The following SYN2 variants were observed in gnomAD, a reference collection of about 807,000 sequenced individuals.
SYN2 encodes the protein synapsin II.
A neutral mutation model predicts 50.9 loss-of-function variants in SYN2; 19 were observed. That is an observed-to-expected ratio of 0.37 (90% confidence interval 0.26 to 0.55). The LOEUF (loss-of-function observed/expected upper bound fraction) is 0.55. Ranked by LOEUF, SYN2 falls within the 20% of genes least tolerant of loss-of-function variation. The pLI is 0.81. For synonymous variants in SYN2, 255 were observed against 224.9 expected (o/e 1.13, Z -1.20); for missense variants, 587 against 576.4 (o/e 1.02, Z -0.19).
chr3:12,111,417 TG>T (rs1420501705), intron 1 of SYN2, among the ~76,000 whole-genome samples: 1 of 152,212 alleles, frequency 6.6e-6, no homozygotes, highest in African/African-American at 2.4e-5. Flanking sequence ...AATGGGGTTG[TG>T]GTCTGTATAT....
chr3:12,067,557 T>C (rs1279453376), intron 1 of SYN2, among the ~76,000 whole-genome samples: 1 of 151,720 alleles, frequency 6.6e-6, no homozygotes. Flanking sequence ...AGTTTCTCCT[T>C]CTCTGTTAAA....
At chr3:12,153,678 G>A (rs755266079) in intron 5 of SYN2, 24 of 1,614,082 alleles carry the variant, frequency 1.5e-5, no homozygotes, top group African/African-American at 2.7e-5. Flanking sequence ...GTTAGGGGCC[G>A]AGATGGTACA....
At chr3:12,158,797 A>G (rs766569527) in intron 5 of SYN2, 2 of 1,603,122 alleles carry the variant, frequency 1.2e-6, no homozygotes, top group South Asian at 2.2e-5. Context: ...CAGCAGCCGC[A>G]GCAACAGCAC....
At chr3:12,019,140 T>C (rs533677910) in intron 1 of SYN2, among the ~76,000 whole-genome samples, 1 of 152,340 alleles carries the variant, frequency 6.6e-6, no homozygotes, top group South Asian at 2.1e-4. Context: ...TGAAGTCTTA[T>C]TTGCCAGTGC....
intron 1 of SYN2, among the ~76,000 whole-genome samples, chr3:12,039,836 C>T (rs1450306545): frequency 6.6e-6 from 1 of 152,052 alleles, no homozygotes; most frequent in East Asian, 1.9e-4. Context: ...TTTCTGAGAT[C>T]AGATAAGATC....
intron 1 of SYN2, among the ~76,000 whole-genome samples, chr3:12,122,672 T>A (rs1250925808): frequency 1.3e-5 from 2 of 152,134 alleles, no homozygotes; most frequent in Non-Finnish European, 2.9e-5. Flanking sequence ...TACAGGCCTG[T>A]CTTCACTTGG....
In SYN2 at chr3:12,097,423, G is replaced by A. The variant is rs148863761; in HGVS notation, c.378-43228G>A. Among the ~76,000 whole-genome samples, 965 of 151,998 alleles carry A rather than the reference G, an allele frequency of 6.3e-3. 4 individuals are homozygous for A. The highest frequency in any genetic ancestry group is 9.8e-3 in the Non-Finnish European group (663 of 67,976). On this transcript the variant is annotated intron_variant, in intron 1 of 12. Transcript: ENST00000621198. Reference sequence around the variant, plus strand: ...AGATCAAGACCATCCTGGCTAACACGGTGAAACCCCTTCTCTACTAAAAAT... The same window carrying A: ...AGATCAAGACCATCCTGGCTAACACAGTGAAACCCCTTCTCTACTAAAAAT...
chr3:12,152,148 G>T (rs890825172), intron 5 of SYN2, among the ~76,000 whole-genome samples: 1 of 152,054 alleles, frequency 6.6e-6, no homozygotes, highest in Admixed American at 6.6e-5. Context: ...GGCCAAAAGG[G>T]GTCTCCATTT....
rs1696015923 is a variant in SYN2 at position 12,099,317 on chromosome 3, G to A, written c.378-41334G>A. ...GATGGATCATATGTTGGTCCATAAA[G>A]CAAATCTCAATAGATTTTAAAGGAT... On this transcript the variant is annotated intron_variant, in intron 1 of 12. Transcript: ENST00000621198. 3.3e-5 allele frequency among the ~76,000 whole-genome samples: 5 copies of A among 152,172 alleles called. No homozygotes were observed. In the South Asian group the frequency reaches 1.0e-3, roughly 32 times the overall value.
At chr3:12,101,034 A>T (rs1211531308) in intron 1 of SYN2, among the ~76,000 whole-genome samples, 3 of 152,200 alleles carry the variant, frequency 2.0e-5, no homozygotes, top group African/African-American at 7.2e-5. Context: ...ACTACTGGGA[A>T]TGCAAAATGT....
chr3:12,061,762 A>G (rs371153483), intron 1 of SYN2, among the ~76,000 whole-genome samples: 44 of 152,146 alleles, frequency 2.9e-4, no homozygotes, highest in African/African-American at 4.1e-4. Flanking sequence ...TTAAAAAAAC[A>G]CTACCATTTA....
intron 1 of SYN2, among the ~76,000 whole-genome samples, chr3:12,035,269 T>C (rs1694473647): frequency 6.6e-6 from 1 of 152,218 alleles, no homozygotes; most frequent in Non-Finnish European, 1.5e-5. Flanking sequence ...CCCCTTGGCT[T>C]TGCTGGGCTC....
chr3:12,134,720 T>A (rs1696859444), intron 1 of SYN2, among the ~76,000 whole-genome samples: 1 of 152,274 alleles, frequency 6.6e-6, no homozygotes, highest in Non-Finnish European at 1.5e-5. Flanking sequence ...CTTTCCACTG[T>A]ACATCCTCCT....
At chr3:12,186,776 C>T (rs560827560) in intron 11 of SYN2, among the ~76,000 whole-genome samples, 3 of 152,160 alleles carry the variant, frequency 2.0e-5, no homozygotes, top group Non-Finnish European at 2.9e-5. Context: ...TCATAAGGTA[C>T]GGAATACTTT....
chr3:12,158,606 TC>T, intron 5 of SYN2: 1 of 1,524,950 alleles, frequency 6.6e-7, no homozygotes, highest in Non-Finnish European at 8.8e-7. Context: ...GAATTTGAGC[TC>T]CTCCCTTTTC....
intron 1 of SYN2, among the ~76,000 whole-genome samples, chr3:12,095,815 T>C (rs1695920482): frequency 6.6e-6 from 1 of 151,944 alleles, no homozygotes; most frequent in Non-Finnish European, 1.5e-5. Flanking sequence ...TTTTCTTGGG[T>C]GATTGCAGCC....
At chr3:12,177,730 T>G (rs1698114745) in intron 10 of SYN2, among the ~76,000 whole-genome samples, 1 of 152,188 alleles carries the variant, frequency 6.6e-6, no homozygotes, top group Admixed American at 6.5e-5. Flanking sequence ...AACAGACTAT[T>G]AAGAGAAACT....
intron 1 of SYN2, among the ~76,000 whole-genome samples, chr3:12,029,784 C>G (rs79611029): frequency 0.62 from 37,048 of 59,742 alleles, 11,646 homozygotes; most frequent in Middle Eastern, 0.73. Context: ...TGGGCTGAGA[C>G]GATGGGGTTT....
At chr3:12,178,271 A>T (rs996176659) in intron 10 of SYN2, among the ~76,000 whole-genome samples, 5 of 152,186 alleles carry the variant, frequency 3.3e-5, no homozygotes, top group Admixed American at 6.5e-5. Flanking sequence ...ATGCTGAGCA[A>T]GCACAGGCCT....
Sources: allele counts gnomAD v4.1 joint callset (sites outside exome capture counted in the v4.1 genomes callset), GRCh38; gene constraint gnomAD v4.1.1; transcripts MANE v1.5; gene names NCBI Gene and HGNC (gene_info 2026-07-23, HGNC 2026-07-21).